ENTREP2: variants seen among roughly 807,000 people sequenced by gnomAD.
ENTREP2 encodes protein ENTREP2.
At chr15:29,269,896 C>T in the ENTREP2 span, 2 of 533,582 alleles carry the variant, frequency 3.7e-6, no homozygotes, top group Admixed American at 4.3e-5. Context: ...GCGGCGGGTA[C>T]CAAAAGGAAC....
At chr15:29,263,884 C>T in the ENTREP2 span, among the ~76,000 whole-genome samples, 3 of 152,126 alleles carry the variant, frequency 2.0e-5, no homozygotes, top group Non-Finnish European at 4.4e-5. Context: ...CCTGGGTGGG[C>T]GCGGTGGCTC....
At chr15:29,454,714 G>C in the ENTREP2 span, among the ~76,000 whole-genome samples, 1 of 152,154 alleles carries the variant, frequency 6.6e-6, no homozygotes, top group Admixed American at 6.5e-5. Context: ...CACGGAGTGA[G>C]CTTGGAGGTA....
At chr15:29,671,078 A>G in the ENTREP2 span, among the ~76,000 whole-genome samples, 2 of 152,210 alleles carry the variant, frequency 1.3e-5, no homozygotes, top group African/African-American at 2.4e-5. Context: ...CCAGTGGTCA[A>G]TGATTAATGA....
At chr15:29,284,278 C>G in the ENTREP2 span, among the ~76,000 whole-genome samples, 3 of 152,104 alleles carry the variant, frequency 2.0e-5, no homozygotes, top group African/African-American at 4.8e-5. Context: ...AGTCTAGGGG[C>G]CGGGCGCGGT....
At chr15:29,534,886 T>A in the ENTREP2 span, among the ~76,000 whole-genome samples, 2 of 152,214 alleles carry the variant, frequency 1.3e-5, no homozygotes, top group Non-Finnish European at 2.9e-5. Context: ...GATAAGTGAA[T>A]GACTGATACT....
chr15:29,304,670 C>T, the ENTREP2 span, among the ~76,000 whole-genome samples: 3 of 152,196 alleles, frequency 2.0e-5, no homozygotes, highest in Admixed American at 1.3e-4. Flanking sequence ...CTCCCTACAG[C>T]ACACAGAGTA....
At chr15:29,655,537 G>C in the ENTREP2 span, among the ~76,000 whole-genome samples, 1 of 152,160 alleles carries the variant, frequency 6.6e-6, no homozygotes, top group South Asian at 2.1e-4. Context: ...CAGTCAAAGA[G>C]AGCAATCAAG....
At chr15:29,590,683 CAA>C in the ENTREP2 span, among the ~76,000 whole-genome samples, 4 of 75,332 alleles carry the variant, frequency 5.3e-5, no homozygotes, top group Admixed American at 1.9e-4. Flanking sequence ...GACTCCGTCT[CAA>C]AAAAAAAAAA....
chr15:29,156,050 C>T, the ENTREP2 span, among the ~76,000 whole-genome samples: 2 of 152,032 alleles, frequency 1.3e-5, no homozygotes, highest in Non-Finnish European at 2.9e-5. Flanking sequence ...ACAGGTGGGG[C>T]TGGAGGGAGG....
At chr15:29,132,484 G>A in the ENTREP2 span, among the ~76,000 whole-genome samples, 2 of 152,170 alleles carry the variant, frequency 1.3e-5, no homozygotes, top group African/African-American at 4.8e-5. Context: ...CGGTCGTGCT[G>A]TGCCCCTGCC....
At chr15:29,637,717 T>C in the ENTREP2 span, among the ~76,000 whole-genome samples, 1 of 152,120 alleles carries the variant, frequency 6.6e-6, no homozygotes, top group African/African-American at 2.4e-5. Context: ...AGAACCAGAA[T>C]GGGTCATGGG....
chr15:29,619,488 C>T, the ENTREP2 span, among the ~76,000 whole-genome samples: 1 of 152,074 alleles, frequency 6.6e-6, no homozygotes, highest in Admixed American at 6.5e-5. Context: ...AAATAACTCG[C>T]TAAATATCCC....
At chr15:29,336,736 A>AT in the ENTREP2 span, among the ~76,000 whole-genome samples, 1 of 152,182 alleles carries the variant, frequency 6.6e-6, no homozygotes, top group African/African-American at 2.4e-5. Context: ...GGTCAAGTCC[A>AT]TGTCATGCTC....
At chr15:29,487,214 C>G in the ENTREP2 span, among the ~76,000 whole-genome samples, 1 of 152,142 alleles carries the variant, frequency 6.6e-6, no homozygotes, top group Non-Finnish European at 1.5e-5. Context: ...TTCCAAAGCA[C>G]CTATGCATAT....
the ENTREP2 span, among the ~76,000 whole-genome samples, chr15:29,293,708 C>G: frequency 6.6e-6 from 1 of 152,182 alleles, no homozygotes; most frequent in Non-Finnish European, 1.5e-5. Context: ...AATCCTGCAG[C>G]ATGGCTTACT....
At chr15:29,238,895 C>G in the ENTREP2 span, among the ~76,000 whole-genome samples, 1 of 152,126 alleles carries the variant, frequency 6.6e-6, no homozygotes, top group Non-Finnish European at 1.5e-5. Flanking sequence ...TGAGAAACCA[C>G]CCCATGATCC....
the ENTREP2 span, among the ~76,000 whole-genome samples, chr15:29,401,996 G>A: frequency 6.6e-6 from 1 of 152,076 alleles, no homozygotes; most frequent in East Asian, 1.9e-4. Flanking sequence ...AGATTAAGGA[G>A]GAGGCGAGGG....
the ENTREP2 span, among the ~76,000 whole-genome samples, chr15:29,320,019 C>CAA: frequency 2.0e-5 from 3 of 152,158 alleles, no homozygotes. Flanking sequence ...TTCTCCATAA[C>CAA]AAAGGCCTGC....
chr15:29,323,014 T>G, the ENTREP2 span, among the ~76,000 whole-genome samples: 2 of 152,224 alleles, frequency 1.3e-5, no homozygotes, highest in African/African-American at 4.8e-5. Context: ...CAATGAATGA[T>G]AGCAATGTCA....
Sources: allele counts gnomAD v4.1 joint callset (sites outside exome capture counted in the v4.1 genomes callset), GRCh38; gene constraint gnomAD v4.1.1; transcripts MANE v1.5; gene names NCBI Gene and HGNC (gene_info 2026-07-23, HGNC 2026-07-21).